Variants in MCCC2 observed in about 807,000 individuals in gnomAD.
The protein encoded by MCCC2 is methylcrotonoyl-CoA carboxylase beta chain, mitochondrial.
MCCC2 carries 52 observed loss-of-function variants against 77.2 expected under a neutral mutation model. The observed-to-expected ratio is 0.67, with a 90% confidence interval of 0.54 to 0.85. The LOEUF is 0.85. Ranked by LOEUF, MCCC2 falls within the 40% of genes least tolerant of loss-of-function variation. MCCC2 has a pLI of 0.00. For missense variants in MCCC2, 682 were observed against 703.2 expected (o/e 0.97, Z 0.34); for synonymous variants, 253 against 248.4 (o/e 1.02, Z -0.18).
chr5:71,632,027 C>T (rs2112427320), intron 7 of MCCC2, 94 bp from the exon 8 acceptor site: 4 of 1,060,406 alleles, frequency 3.8e-6, no homozygotes, highest in Non-Finnish European at 5.9e-6. Flanking sequence ...AGAAAAAGTA[C>T]AGGTATAGTC....
chr5:71,592,634 A>G (rs999157531), intron 1 of MCCC2, among the ~76,000 whole-genome samples: 1 of 152,166 alleles, frequency 6.6e-6, no homozygotes, highest in Non-Finnish European at 1.5e-5. Context: ...AGGAGTGGCC[A>G]GAAGTAGAGT....
chr5:71,588,322 T>C (rs1744842801), intron 1 of MCCC2, among the ~76,000 whole-genome samples: 1 of 150,084 alleles, frequency 6.7e-6, no homozygotes, highest in South Asian at 2.1e-4. Context: ...TCCCACAGTA[T>C]CTTTGAGTGG....
rs762743394 is a variant in MCCC2, at chr5:71,594,896, CTCTTTT to C, written c.197-1382_197-1377del. ...AAGAGTGATGTTGTCTTAAGTCTCT[CTCTTTT>C]TTTTTTTTTTTACTGAGACGGAGTC... On this transcript the variant is annotated intron_variant, in intron 2 of 16. Transcript: ENST00000340941. 5.0e-5 allele frequency among the ~76,000 whole-genome samples: 3 copies of C among 59,414 alleles called. 1 individual carries two copies. The highest frequency in any genetic ancestry group is 1.2e-4 in the African/African-American group (3 of 24,676). 39.0% of individuals were successfully genotyped at this position (59,414 alleles called of 152,430 possible).
chr5:71,632,209 T>G, intron 8 of MCCC2, 24 bp downstream of exon 8: 4 of 1,610,978 alleles, frequency 2.5e-6, no homozygotes, highest in Non-Finnish European at 3.4e-6. Context: ...GGTTGTTTCT[T>G]TCCGGGATTG....
chr5:71,594,161 G>A (rs1304167036), intron 2 of MCCC2, among the ~76,000 whole-genome samples: 3 of 152,152 alleles, frequency 2.0e-5, no homozygotes, highest in Non-Finnish European at 4.4e-5. Context: ...TTTGTTAGGG[G>A]TGATAACTCA....
intron 6 of MCCC2, 104 bp from the exon 7 acceptor site, chr5:71,626,536 A>G: frequency 3.5e-6 from 3 of 853,252 alleles, no homozygotes; most frequent in Non-Finnish European, 3.9e-6. Flanking sequence ...ACCAACCAGT[A>G]ATATCCCCTG....
At chr5:71,629,773 TTTTAA>T (rs1746650593) in intron 7 of MCCC2, among the ~76,000 whole-genome samples, 1 of 150,698 alleles carries the variant, frequency 6.6e-6, no homozygotes, top group African/African-American at 2.4e-5. Flanking sequence ...ACTATTATTA[TTTTAA>T]TTTATCTCTT....
intron 12 of MCCC2, 83 bp downstream of exon 12, chr5:71,643,978 T>C: frequency 6.4e-7 from 1 of 1,567,574 alleles, no homozygotes; most frequent in Admixed American, 1.7e-5. Context: ...TAAAATTTAT[T>C]GCATAAAAAT....
chr5:71,652,850 T>G (rs766808564), intron 16 of MCCC2, 96 bp downstream of exon 16: 15 of 1,011,226 alleles, frequency 1.5e-5, no homozygotes, highest in Non-Finnish European at 1.9e-5. Context: ...GGTCCAGCAT[T>G]CATAGGAACT....
chr5:71,643,433 CTT>C (rs1747183999), intron 11 of MCCC2, among the ~76,000 whole-genome samples: 1 of 152,142 alleles, frequency 6.6e-6, no homozygotes, highest in South Asian at 2.1e-4. Flanking sequence ...GATACTCTCT[CTT>C]ATCTGTTAAT....
At chr5:71,604,580 ATCTT>A (rs1444791279) in intron 6 of MCCC2, 112 bp downstream of exon 6, 4 of 811,314 alleles carry the variant, frequency 4.9e-6, no homozygotes, top group Non-Finnish European at 7.8e-6. Flanking sequence ...ACAAAATCTA[ATCTT>A]TTTTTTTTTT....
intron 6 of MCCC2, among the ~76,000 whole-genome samples, chr5:71,613,641 CAGA>C (rs1746050294): frequency 6.6e-6 from 1 of 152,086 alleles, no homozygotes; most frequent in Admixed American, 6.6e-5. Flanking sequence ...GAGGCTGAAG[CAGA>C]AGGATTACTT....
chr5:71,619,161 A>G (rs1443174299), intron 6 of MCCC2, among the ~76,000 whole-genome samples: 2 of 151,740 alleles, frequency 1.3e-5, no homozygotes, highest in African/African-American at 2.4e-5. Context: ...GCCTTAGCTT[A>G]TTATTTTTGA....
chr5:71,597,879 C>T (rs541356051), intron 3 of MCCC2, among the ~76,000 whole-genome samples: 15 of 152,222 alleles, frequency 9.9e-5, no homozygotes, highest in African/African-American at 3.4e-4. Context: ...AAGTGAGAGG[C>T]GGACTAGTGG....
chr5:71,588,125 C>T (rs748041435), intron 1 of MCCC2, among the ~76,000 whole-genome samples: 8 of 151,970 alleles, frequency 5.3e-5, no homozygotes, highest in Non-Finnish European at 8.8e-5. Context: ...AAAAATTAGC[C>T]GGGCATGGTG....
intron 4 of MCCC2, 136 bp downstream of exon 4, chr5:71,599,896 T>C (rs918640732): frequency 2.6e-6 from 2 of 757,940 alleles, no homozygotes; most frequent in Non-Finnish European, 2.3e-6. Context: ...CTGGGTGTGG[T>C]GGCTCACGCC....
At chr5:71,649,854 A>G (rs1747384117) in intron 14 of MCCC2, among the ~76,000 whole-genome samples, 1 of 152,192 alleles carries the variant, frequency 6.6e-6, no homozygotes, top group African/African-American at 2.4e-5. Flanking sequence ...CCAGAATTAC[A>G]TGGAGAACTT....
At chr5:71,644,088 T>G (rs569671770) in intron 12 of MCCC2, among the ~76,000 whole-genome samples, 193 bp downstream of exon 12, 1 of 151,760 alleles carries the variant, frequency 6.6e-6, no homozygotes, top group South Asian at 2.1e-4. Flanking sequence ...TGTGTATATA[T>G]GTGCATGTAT....
rs902451036 is a variant in MCCC2 at position 71,658,510 on chromosome 5, G to A, written c.*1650G>A. On this transcript the variant is annotated 3_prime_UTR_variant, in exon 17 of 17. Transcript: ENST00000340941. ...GTCCTCCTGCTAGAATGTAAGCTCC[G>A]TGAGAGCAAGGATCCTCCTGTTTAC... 6 of 152,234 alleles carry A rather than the reference G, an allele frequency of 3.9e-5. No individual in the cohort carries two copies. Among genetic ancestry groups the A allele is most frequent in the East Asian group, 1.9e-4 (1 of 5,176 alleles). The allele number at this position is 152,234 out of a possible 1,614,324, so 9.4% of individuals were successfully genotyped here.
Sources: allele counts gnomAD v4.1 joint callset (sites outside exome capture counted in the v4.1 genomes callset), GRCh38; gene constraint gnomAD v4.1.1; transcripts MANE v1.5; gene names NCBI Gene and HGNC (gene_info 2026-07-23, HGNC 2026-07-21).